Variants in NAPB observed in about 807,000 individuals in gnomAD.
The protein encoded by NAPB is NSF attachment protein beta.
Under a neutral mutation model 44.7 loss-of-function variants are expected in NAPB, and 26 were observed. The observed-to-expected ratio is 0.58, with a 90% CI of 0.43 to 0.81. The LOEUF is 0.81. NAPB is among the 30% of genes least tolerant of loss of function. The pLI is 0.00. For synonymous variants in NAPB, 120 were observed against 116.8 expected (o/e 1.03, Z -0.18); for missense variants, 315 against 356.4 (o/e 0.88, Z 0.94).
At chr20:23,397,366 A>T (rs1600580308) in intron 2 of NAPB, among the ~76,000 whole-genome samples, 178 bp from the exon 3 acceptor site, 1 of 152,214 alleles carries the variant, frequency 6.6e-6, no homozygotes, top group South Asian at 2.1e-4. Context: ...ACCAGAATCA[A>T]GTCAAACAGC....
At chr20:23,401,607 A>G (rs562007961) in intron 2 of NAPB, among the ~76,000 whole-genome samples, 1 of 152,324 alleles carries the variant, frequency 6.6e-6, no homozygotes, top group East Asian at 1.9e-4. Flanking sequence ...TCAGCCGGGC[A>G]CAGTGGTTCA....
intron 7 of NAPB, among the ~76,000 whole-genome samples, chr20:23,387,789 G>C (rs1460272215): frequency 6.6e-6 from 1 of 152,252 alleles, no homozygotes. Context: ...GTCAGACTTA[G>C]TATTGTTAAG....
chr20:23,417,449 T>C (rs1046714652), intron 1 of NAPB, among the ~76,000 whole-genome samples: 8 of 152,174 alleles, frequency 5.3e-5, no homozygotes, highest in Admixed American at 1.3e-4. Context: ...CCGGGTCTCA[T>C]AGCAACAAGA....
intron 2 of NAPB, among the ~76,000 whole-genome samples, chr20:23,397,579 T>A (rs1356315408): frequency 6.7e-6 from 1 of 149,548 alleles, no homozygotes; most frequent in African/African-American, 2.6e-5. Flanking sequence ...CGCAAAGATA[T>A]TTGCTCACTT....
rs1232037793 is a variant in NAPB, at chr20:23,397,206, A to G, written c.179-18T>C. ...TCCTGCAGCTGAAGAAGACACTACA[A>G]TTAAACACAGAGGAACAAGTCCCCC... On this transcript the variant is annotated intron_variant, in intron 2 of 10. Transcript: ENST00000377026. The G allele has an allele frequency of 1.2e-6, 2 of 1,603,086 alleles. No homozygotes were observed. Among genetic ancestry groups the G allele is most frequent in the South Asian group, 1.1e-5 (1 of 90,136 alleles).
At chr20:23,404,371 G>A (rs79614827) in intron 1 of NAPB, among the ~76,000 whole-genome samples, 3,731 of 152,270 alleles carry the variant, frequency 0.025, 150 homozygotes, top group African/African-American at 0.084. Flanking sequence ...ACATGAAAGA[G>A]TGCACACACG....
At chr20:23,408,213 C>T (rs1220681290) in intron 1 of NAPB, among the ~76,000 whole-genome samples, 1 of 152,164 alleles carries the variant, frequency 6.6e-6, no homozygotes, top group African/African-American at 2.4e-5. Flanking sequence ...AAGGGACTTG[C>T]CCAGTGTGGG....
At chr20:23,421,037 G>A (rs964381074) in intron 1 of NAPB, among the ~76,000 whole-genome samples, 1 of 151,296 alleles carries the variant, frequency 6.6e-6, no homozygotes, top group Non-Finnish European at 1.5e-5. Flanking sequence ...GAGCCCCTGG[G>A]AGGATGCGGG....
chr20:23,376,039 C>T lies in NAPB; in HGVS notation c.*1337G>A, dbSNP rs2077080662. On this transcript the variant is annotated 3_prime_UTR_variant, in exon 11 of 11. Transcript: ENST00000377026. ...GAAAACATCATTCCAATACTACTTA[C>T]TACTACCTGACATAACATAGGAAGT... 1 of 152,222 alleles carries T rather than the reference C, an allele frequency of 6.6e-6. No individual in the cohort carries two copies. Among genetic ancestry groups the T allele is most frequent in the Non-Finnish European group, 1.5e-5 (1 of 68,044 alleles). 9.4% of individuals were successfully genotyped at this position (152,222 alleles called of 1,614,324 possible).
At chr20:23,396,909 A>G (rs555356873) in intron 3 of NAPB, 163 bp downstream of exon 3, 1 of 628,682 alleles carries the variant, frequency 1.6e-6, no homozygotes, top group South Asian at 6.0e-5. Flanking sequence ...ATGATTAAAA[A>G]AGAAAAATCC....
At chr20:23,379,758 CAGTT>C in intron 9 of NAPB, 105 bp downstream of exon 9, 1 of 808,466 alleles carries the variant, frequency 1.2e-6, no homozygotes, top group Non-Finnish European at 2.0e-6. Flanking sequence ...CAGGGCCCCT[CAGTT>C]AGCAGACTTT....
chr20:23,389,364 A>G (rs1983783190), intron 7 of NAPB, among the ~76,000 whole-genome samples: 1 of 152,178 alleles, frequency 6.6e-6, no homozygotes, highest in Non-Finnish European at 1.5e-5. Flanking sequence ...TCAAAAAGTT[A>G]AACATGGACT....
intron 5 of NAPB, among the ~76,000 whole-genome samples, chr20:23,391,785 T>C (rs1983976809): frequency 1.3e-5 from 2 of 152,216 alleles, no homozygotes; most frequent in African/African-American, 4.8e-5. Flanking sequence ...CTCTCAAGGA[T>C]TAAAAACCGT....
At chr20:23,398,838 T>C (rs1488994864) in intron 2 of NAPB, among the ~76,000 whole-genome samples, 3 of 148,924 alleles carry the variant, frequency 2.0e-5, no homozygotes, top group Non-Finnish European at 3.0e-5. Flanking sequence ...AGCAAGACTC[T>C]TGTCTCAAAA....
In NAPB at chr20:23,377,344, A is replaced by G. The variant is rs1343152234; in HGVS notation, c.*32T>C. On this transcript the variant is annotated 3_prime_UTR_variant, in exon 11 of 11. Coordinates refer to ENST00000377026, the MANE Select transcript of NAPB (RefSeq NM_022080.3). ...TGACCCTAAGACAAAACTAAAGAGGAGTTAGCTGCATGCCACAAAGACAAA... is the reference window on the plus strand; with the variant it reads ...TGACCCTAAGACAAAACTAAAGAGGGGTTAGCTGCATGCCACAAAGACAAA... 2 of 1,414,904 alleles carry G rather than the reference A, an allele frequency of 1.4e-6. No homozygotes were observed. Among genetic ancestry groups the G allele is most frequent in the Non-Finnish European group, 2.0e-6 (2 of 1,014,842 alleles). The allele number at this position is 1,414,904 out of a possible 1,614,324, so 87.6% of individuals were successfully genotyped here.
chr20:23,379,299 T>C, intron 10 of NAPB, 146 bp downstream of exon 10: 1 of 594,692 alleles, frequency 1.7e-6, no homozygotes, highest in South Asian at 2.5e-5. Flanking sequence ...GTGTGATATA[T>C]AAAAGGTGAC....
At chr20:23,414,846 A>T (rs1238547796) in intron 1 of NAPB, among the ~76,000 whole-genome samples, 2 of 152,172 alleles carry the variant, frequency 1.3e-5, no homozygotes, top group African/African-American at 2.4e-5. Context: ...GATATGCTTG[A>T]CTTGTACCCA....
chr20:23,417,354 G>A (rs925795074), intron 1 of NAPB, among the ~76,000 whole-genome samples: 14 of 152,192 alleles, frequency 9.2e-5, no homozygotes, highest in African/African-American at 3.1e-4. Flanking sequence ...AGAGTGCTGG[G>A]ATTACAGGCG....
At chr20:23,389,700 A>C (rs1983809198) in intron 7 of NAPB, among the ~76,000 whole-genome samples, 1 of 152,182 alleles carries the variant, frequency 6.6e-6, no homozygotes, top group African/African-American at 2.4e-5. Context: ...ATAGACAGAG[A>C]GTAGATTGTG....
Sources: gnomAD v4.1 joint callset for allele counts (sites outside exome capture counted in the v4.1 genomes callset) on GRCh38, gnomAD v4.1.1 for gene constraint, MANE v1.5 for transcripts, NCBI Gene and HGNC (gene_info 2026-07-23, HGNC 2026-07-21) for gene names.